Variants in RAB7B observed in about 807,000 individuals in gnomAD.
The protein encoded by RAB7B is ras-related protein Rab-7b.
intron 1 of RAB7B, among the ~76,000 whole-genome samples, chr1:205,994,657 G>A (rs1168921222): frequency 1.3e-5 from 2 of 152,208 alleles, no homozygotes; most frequent in Non-Finnish European, 2.9e-5. Context: ...GCTGGCGGGG[G>A]TGTAATTCAT....
At chr1:205,983,967 T>G (rs1398119230) in intron 5 of RAB7B, 2 of 152,230 alleles carry the variant, frequency 1.3e-5, no homozygotes, top group Admixed American at 1.3e-4. Flanking sequence ...TGTGGGCTGA[T>G]GGACACTTCC....
At chr1:205,990,677 C>G (rs1660705970) in intron 4 of RAB7B, among the ~76,000 whole-genome samples, 1 of 152,202 alleles carries the variant, frequency 6.6e-6, no homozygotes, top group Non-Finnish European at 1.5e-5. Flanking sequence ...ATGGGAGGTA[C>G]AGCGAAATGT....
At chr1:205,989,031 T>C (rs1660670055) in intron 4 of RAB7B, among the ~76,000 whole-genome samples, 1 of 152,010 alleles carries the variant, frequency 6.6e-6, no homozygotes, top group South Asian at 2.1e-4. Context: ...GATTTCACTG[T>C]CGCTCAGTGC....
intron 4 of RAB7B, 119 bp from the exon 5 acceptor site, chr1:205,985,784 C>CCATCAGGCT (rs1660590023): frequency 6.5e-5 from 21 of 322,412 alleles, no homozygotes; most frequent in East Asian, 2.0e-4. Flanking sequence ...CCCATCATCC[C>CCATCAGGCT]CACCAGGCCC....
intron 4 of RAB7B, among the ~76,000 whole-genome samples, chr1:205,989,167 C>T (rs946212796): frequency 1.2e-4 from 19 of 152,086 alleles, no homozygotes; most frequent in Non-Finnish European, 2.5e-4. Context: ...CCTCCATCCT[C>T]TCCAGGGACC....
At chr1:205,999,506 C>T (rs1660857599) in intron 1 of RAB7B, among the ~76,000 whole-genome samples, 1 of 152,136 alleles carries the variant, frequency 6.6e-6, no homozygotes, top group African/African-American at 2.4e-5. Context: ...GGGAAACACT[C>T]TTATATATTG....
intron 5 of RAB7B, 134 bp from the exon 6 acceptor site, chr1:205,979,062 G>A: frequency 2.5e-6 from 1 of 392,180 alleles, no homozygotes; most frequent in South Asian, 1.4e-4. Flanking sequence ...CTGAGGCCCA[G>A]ACAGGGAAGC....
At chr1:205,991,965 C>G (rs1200802368) in intron 4 of RAB7B, among the ~76,000 whole-genome samples, 1 of 152,164 alleles carries the variant, frequency 6.6e-6, no homozygotes, top group South Asian at 2.1e-4. Context: ...TAAGCTAATA[C>G]AAAAATTATT....
In RAB7B at chr1:205,993,456, C is replaced by A. The variant is rs1395384824; in HGVS notation, c.144G>T (p.Lys48Asn). 6 of 398,502 alleles carry A rather than the reference C, an allele frequency of 1.5e-5. No homozygotes were observed. Among genetic ancestry groups the A allele is most frequent in the African/African-American group, 1.2e-4 (6 of 48,634 alleles). 24.7% of individuals were successfully genotyped at this position (398,502 alleles called of 1,614,324 possible). The change falls in exon 3 of 6, where the codon AAG (lysine) becomes AAT (asparagine). Residue 48 changes from lysine (K) to asparagine (N), a missense_variant. Physicochemically the swap from Lys to Asn is moderately conservative, Grantham distance 94. Transcript: ENST00000617070. ...QTTLGASILS[K>N]IIILGDTTLK... The stretch of plus-strand genomic sequence containing the variant: ...AAGTTGTGTCACCCAATATGATAAT[C>A]TTGGAGAGGATGCTGGCCCCCAGTG...
intron 4 of RAB7B, among the ~76,000 whole-genome samples, chr1:205,991,713 TC>T (rs1354942497): frequency 3.1e-4 from 47 of 152,196 alleles, no homozygotes; most frequent in Non-Finnish European, 6.0e-4. Flanking sequence ...ATGATCCAGT[TC>T]CCCATCACAC....
intron 5 of RAB7B, among the ~76,000 whole-genome samples, chr1:205,983,290 C>T (rs1038231220): frequency 3.9e-5 from 6 of 152,214 alleles, no homozygotes; most frequent in Non-Finnish European, 7.3e-5. Context: ...TCTTCCCCTC[C>T]GGCTTACACC....
intron 4 of RAB7B, among the ~76,000 whole-genome samples, chr1:205,991,217 A>G (rs1660717192): frequency 6.6e-6 from 1 of 152,216 alleles, no homozygotes; most frequent in Non-Finnish European, 1.5e-5. Flanking sequence ...CAAGGTTGGC[A>G]GTGAGATTCT....
chr1:205,995,798 A>G (rs1248744796), intron 1 of RAB7B, among the ~76,000 whole-genome samples: 1 of 152,176 alleles, frequency 6.6e-6, no homozygotes, highest in Non-Finnish European at 1.5e-5. Context: ...AATTCAAGAG[A>G]TATATTATAC....
intron 1 of RAB7B, among the ~76,000 whole-genome samples, chr1:206,000,531 C>T (rs958341477): frequency 1.3e-5 from 2 of 152,220 alleles, no homozygotes; most frequent in African/African-American, 2.4e-5. Context: ...CTTGGGGCGT[C>T]TGTTCCCTCA....
intron 1 of RAB7B, among the ~76,000 whole-genome samples, chr1:206,000,568 T>A (rs2102256571): frequency 6.6e-6 from 1 of 152,374 alleles, no homozygotes; most frequent in South Asian, 2.1e-4. Flanking sequence ...CACTCGTGGC[T>A]GTGGCTTCCT....
intron 5 of RAB7B, among the ~76,000 whole-genome samples, chr1:205,985,194 A>G (rs932621823): frequency 6.6e-6 from 1 of 152,208 alleles, no homozygotes; most frequent in South Asian, 2.1e-4. Flanking sequence ...CCTCCCACCA[A>G]TGAAGATTGG....
chr1:206,002,273 T>G (rs1012881153), intron 1 of RAB7B, among the ~76,000 whole-genome samples: 1 of 152,186 alleles, frequency 6.6e-6, no homozygotes, highest in Non-Finnish European at 1.5e-5. Context: ...CTCTGGGAAG[T>G]GTACCTACAG....
At chr1:205,984,780 T>C (rs1339626793) in intron 5 of RAB7B, among the ~76,000 whole-genome samples, 1 of 152,192 alleles carries the variant, frequency 6.6e-6, no homozygotes, top group Non-Finnish European at 1.5e-5. Flanking sequence ...CTGTCTTGCT[T>C]GGCTCATGGA....
chr1:205,993,820 A>C (rs930813633), intron 2 of RAB7B, among the ~76,000 whole-genome samples: 2 of 152,230 alleles, frequency 1.3e-5, no homozygotes, highest in Admixed American at 6.5e-5. Flanking sequence ...TGTGTAGGAC[A>C]TGGGAGGACA....
Sources: gnomAD v4.1 joint callset for allele counts (sites outside exome capture counted in the v4.1 genomes callset) on GRCh38, gnomAD v4.1.1 for gene constraint, MANE v1.5 for transcripts, NCBI Gene and HGNC (gene_info 2026-07-23, HGNC 2026-07-21) for gene names.